FBXL17: variants seen among roughly 807,000 people sequenced by gnomAD.
FBXL17 encodes the protein F-box/LRR-repeat protein 17.
FBXL17 carries 22 observed loss-of-function variants against 66.2 expected under a neutral mutation model. The ratio of observed to expected loss-of-function variants is 0.33; its 90% confidence interval spans 0.24 to 0.47. The LOEUF (loss-of-function observed/expected upper bound fraction) is 0.47, where lower values mean the gene tolerates loss of function less well. Ranked by LOEUF, FBXL17 falls within the 20% of genes least tolerant of loss-of-function variation. The pLI is 1.00. For synonymous variants in FBXL17, 474 were observed against 400.5 expected, an observed-to-expected ratio of 1.18 and a Z score of -2.19; for missense variants, 878 against 948.2, an observed-to-expected ratio of 0.93 and a Z score of 0.97.
intron 7 of FBXL17, among the ~76,000 whole-genome samples, chr5:107,946,486 T>C (rs1751302155): frequency 7.3e-6 from 1 of 137,552 alleles, no homozygotes; most frequent in South Asian, 2.4e-4. Flanking sequence ...TATTATTATT[T>C]TGTAGAGATG....
At chr5:107,964,955 T>A (rs1580257934) in intron 7 of FBXL17, among the ~76,000 whole-genome samples, 1 of 152,130 alleles carries the variant, frequency 6.6e-6, no homozygotes, top group South Asian at 2.1e-4. Flanking sequence ...GTTTTGATTT[T>A]TTTCTCAGTA....
intron 6 of FBXL17, among the ~76,000 whole-genome samples, chr5:108,113,777 C>T (rs1750133248): frequency 6.6e-6 from 1 of 151,830 alleles, no homozygotes; most frequent in South Asian, 2.1e-4. Flanking sequence ...AAAGTCTATC[C>T]CCAGAATCAT....
intron 7 of FBXL17, among the ~76,000 whole-genome samples, chr5:108,003,388 TC>T (rs1454726638): frequency 6.6e-6 from 1 of 152,002 alleles, no homozygotes; most frequent in Non-Finnish European, 1.5e-5. Context: ...TGAAAGCACA[TC>T]CGTTAACACA....
At chr5:107,907,763 T>C (rs1749813403) in intron 7 of FBXL17, among the ~76,000 whole-genome samples, 1 of 152,150 alleles carries the variant, frequency 6.6e-6, no homozygotes, top group Non-Finnish European at 1.5e-5. Context: ...TCACACCAGT[T>C]AGAATGGCAA....
intron 6 of FBXL17, among the ~76,000 whole-genome samples, chr5:108,087,471 T>G (rs1749016933): frequency 6.6e-6 from 1 of 152,034 alleles, no homozygotes; most frequent in African/African-American, 2.4e-5. Flanking sequence ...AATATATGCT[T>G]GAGGGCTCCT....
intron 4 of FBXL17, among the ~76,000 whole-genome samples, chr5:108,272,702 C>T (rs867649419): frequency 1.3e-5 from 2 of 152,116 alleles, no homozygotes; most frequent in Admixed American, 6.5e-5. Flanking sequence ...CCCAATAAAA[C>T]GGTTTCTCAT....
At chr5:108,009,194 CATAT>C (rs373679985) in intron 7 of FBXL17, among the ~76,000 whole-genome samples, 115 of 54,108 alleles carry the variant, frequency 2.1e-3, no homozygotes, top group African/African-American at 2.4e-3. Context: ...ATTTGAAAAG[CATAT>C]ATATATATAT....
chr5:108,063,292 T>C (rs997309426), intron 6 of FBXL17, among the ~76,000 whole-genome samples: 3 of 152,132 alleles, frequency 2.0e-5, no homozygotes, highest in Non-Finnish European at 4.4e-5. Flanking sequence ...TTATTTGGAG[T>C]GCTCCAAGAA....
chr5:108,259,410 T>C (rs1756716820), intron 4 of FBXL17, among the ~76,000 whole-genome samples: 1 of 152,190 alleles, frequency 6.6e-6, no homozygotes, highest in African/African-American at 2.4e-5. Flanking sequence ...AAAAACATAA[T>C]GTATCCTCAA....
chr5:108,155,454 G>A lies in FBXL17; in HGVS notation c.1745+30663C>T, dbSNP rs142668703. Among the ~76,000 whole-genome samples, 528 of 152,256 alleles carry A rather than the reference G, an allele frequency of 3.5e-3. 2 individuals carry two copies. Among genetic ancestry groups the A allele is most frequent in the African/African-American group, 0.012 (510 of 41,536 alleles). On this transcript the variant is annotated intron_variant, in intron 6 of 8. Coordinates refer to ENST00000542267, the MANE Select transcript of FBXL17 (RefSeq NM_001163315.3). ...CACTGGAACCCAGGAGGTGGAGGTT[G>A]TAGTGAGACGAGATCGCACCACTGC...
chr5:108,306,536 G>A (rs763061391), intron 4 of FBXL17, among the ~76,000 whole-genome samples: 15 of 152,062 alleles, frequency 9.9e-5, no homozygotes, highest in Non-Finnish European at 2.1e-4. Context: ...GAGATAGTGT[G>A]AGAATTAAAC....
At chr5:108,339,244 T>C (rs970661942) in intron 4 of FBXL17, among the ~76,000 whole-genome samples, 3 of 152,216 alleles carry the variant, frequency 2.0e-5, no homozygotes, top group African/African-American at 7.2e-5. Context: ...CTCATTACTG[T>C]GGATAAAAAC....
At chr5:108,232,090 G>GT (rs1227708919) in intron 4 of FBXL17, among the ~76,000 whole-genome samples, 1 of 152,214 alleles carries the variant, frequency 6.6e-6, no homozygotes, top group African/African-American at 2.4e-5. Flanking sequence ...AACAAGGACT[G>GT]TAACTGTTAT....
intron 7 of FBXL17, among the ~76,000 whole-genome samples, chr5:107,952,355 T>C (rs1215829937): frequency 2.6e-5 from 4 of 152,212 alleles, no homozygotes; most frequent in Non-Finnish European, 5.9e-5. Context: ...ATTTTCTACA[T>C]CTGCCTCCAC....
intron 4 of FBXL17, among the ~76,000 whole-genome samples, chr5:108,307,377 C>A (rs1300584151): frequency 1.3e-5 from 2 of 152,002 alleles, no homozygotes; most frequent in East Asian, 3.9e-4. Flanking sequence ...GCAATCATAG[C>A]TTCCTGCAGC....
intron 7 of FBXL17, among the ~76,000 whole-genome samples, chr5:107,946,255 TTA>T (rs55643516): frequency 0.019 from 752 of 39,948 alleles, 6 homozygotes; most frequent in Non-Finnish European, 0.022. Flanking sequence ...CAATCTCATT[TTA>T]TATATATATA....
intron 6 of FBXL17, among the ~76,000 whole-genome samples, chr5:108,128,657 G>A (rs1173115108): frequency 6.6e-6 from 1 of 152,018 alleles, no homozygotes; most frequent in East Asian, 1.9e-4. Context: ...AATTCAACAA[G>A]AGTCTACAAA....
At chr5:108,354,064 C>A (rs1747807927) in intron 3 of FBXL17, among the ~76,000 whole-genome samples, 1 of 152,060 alleles carries the variant, frequency 6.6e-6, no homozygotes, top group Non-Finnish European at 1.5e-5. Context: ...ATGCATAATT[C>A]CTTTGAGTAT....
At chr5:108,101,631 G>A (rs1749603915) in intron 6 of FBXL17, among the ~76,000 whole-genome samples, 1 of 152,204 alleles carries the variant, frequency 6.6e-6, no homozygotes, top group Admixed American at 6.5e-5. Context: ...GATACAAAAA[G>A]AGGAGAAAAT....
Sources: gnomAD v4.1 joint callset for allele counts (sites outside exome capture counted in the v4.1 genomes callset) on GRCh38, gnomAD v4.1.1 for gene constraint, MANE v1.5 for transcripts, NCBI Gene and HGNC (gene_info 2026-07-23, HGNC 2026-07-21) for gene names.